FAM227B: variants seen among roughly 807,000 people sequenced by gnomAD.
The protein encoded by FAM227B is family with sequence similarity 227 member B, also known as protein FAM227B.
A neutral mutation model predicts 73.8 loss-of-function variants in FAM227B; 88 were observed. That is an observed-to-expected ratio of 1.19 (90% confidence interval 1.00 to 1.42). The LOEUF is 1.42. FAM227B is among the 40% of genes most tolerant of loss of function. The pLI is 0.00. For synonymous variants in FAM227B, 210 were observed against 190.5 expected (o/e 1.10, Z -0.84); for missense variants, 632 against 590.9 (o/e 1.07, Z -0.72).
intron 11 of FAM227B, among the ~76,000 whole-genome samples, chr15:49,507,569 T>C (rs1486035323): frequency 1.3e-5 from 2 of 152,108 alleles, no homozygotes; most frequent in Admixed American, 6.5e-5. Flanking sequence ...AGAAATAAAC[T>C]CGCCTTACAA....
intron 14 of FAM227B, chr15:49,334,180 A>G (rs1567089588): frequency 1.2e-6 from 1 of 834,548 alleles, no homozygotes; most frequent in Non-Finnish European, 1.4e-6. Context: ...TCAATTAAAG[A>G]TGATCTTAAG....
intron 5 of FAM227B, among the ~76,000 whole-genome samples, chr15:49,582,897 A>C (rs895427570): frequency 6.6e-6 from 1 of 152,188 alleles, no homozygotes; most frequent in East Asian, 1.9e-4. Context: ...AAAAGGAATT[A>C]AGGCAGAAAT....
chr15:49,561,967 A>G (rs1272677704), intron 9 of FAM227B, among the ~76,000 whole-genome samples: 2 of 152,046 alleles, frequency 1.3e-5, no homozygotes, highest in East Asian at 3.9e-4. Flanking sequence ...TATAACCCCA[A>G]AGCTAGTAGA....
chr15:49,544,106 G>T (rs1473255910), intron 9 of FAM227B, among the ~76,000 whole-genome samples: 1 of 152,074 alleles, frequency 6.6e-6, no homozygotes, highest in Non-Finnish European at 1.5e-5. Context: ...TCACAATATT[G>T]ATTCTACCTA....
intron 9 of FAM227B, among the ~76,000 whole-genome samples, chr15:49,558,553 C>T (rs1219907529): frequency 6.6e-6 from 1 of 152,182 alleles, no homozygotes; most frequent in Non-Finnish European, 1.5e-5. Flanking sequence ...GAAAACCCAA[C>T]TCCCACAGGT....
intron 3 of FAM227B, among the ~76,000 whole-genome samples, chr15:49,601,177 A>C (rs2077184356): frequency 6.8e-6 from 1 of 147,736 alleles, no homozygotes; most frequent in Non-Finnish European, 1.5e-5. Flanking sequence ...TGTTGCTCCA[A>C]CCTAATAGTA....
intron 15 of FAM227B, 42 bp downstream of exon 15, chr15:49,331,738 C>G (rs2038794687): frequency 1.7e-6 from 2 of 1,209,194 alleles, no homozygotes. Flanking sequence ...ATAAAAGAAG[C>G]TAGAGAGAGA....
intron 10 of FAM227B, among the ~76,000 whole-genome samples, chr15:49,533,276 T>A (rs2060752998): frequency 6.6e-6 from 1 of 152,008 alleles, no homozygotes; most frequent in Admixed American, 6.6e-5. Flanking sequence ...TGGTTAAGAC[T>A]TGTTTTGTGG....
intron 1 of FAM227B, among the ~76,000 whole-genome samples, chr15:49,616,792 T>C (rs1164507028): frequency 6.6e-6 from 1 of 152,212 alleles, no homozygotes; most frequent in African/African-American, 2.4e-5. Context: ...TCAAGAAAAA[T>C]TGAAATGTCA....
chr15:49,424,152 G>A (rs2049923015), intron 11 of FAM227B: 5 of 666,294 alleles, frequency 7.5e-6, no homozygotes, highest in South Asian at 2.2e-5. Context: ...AAAAGGATAA[G>A]GCTAACAATT....
At chr15:49,527,674 T>C (rs1016429182) in intron 10 of FAM227B, among the ~76,000 whole-genome samples, 5 of 151,880 alleles carry the variant, frequency 3.3e-5, no homozygotes, top group African/African-American at 1.2e-4. Context: ...AATAAAACAG[T>C]GTACAGAAAT....
intron 3 of FAM227B, among the ~76,000 whole-genome samples, chr15:49,603,135 C>T (rs767824837): frequency 3.3e-5 from 5 of 151,936 alleles, no homozygotes; most frequent in Admixed American, 6.6e-5. Context: ...GGGTCTTTTG[C>T]GGTTTCATAT....
intron 11 of FAM227B, among the ~76,000 whole-genome samples, chr15:49,474,396 C>T (rs765258109): frequency 2.6e-5 from 4 of 152,042 alleles, no homozygotes; most frequent in Admixed American, 6.5e-5. Context: ...GATATATTCA[C>T]GTATAATTGG....
chr15:49,593,070 G>C (rs2152416398), intron 3 of FAM227B, among the ~76,000 whole-genome samples: 1 of 152,312 alleles, frequency 6.6e-6, no homozygotes, highest in Non-Finnish European at 1.5e-5. Context: ...GAAGTGTACT[G>C]ATTTTCCAGG....
At chr15:49,611,514 A>G (rs1318682200) in intron 2 of FAM227B, among the ~76,000 whole-genome samples, 3 of 152,104 alleles carry the variant, frequency 2.0e-5, no homozygotes, top group Admixed American at 1.3e-4. Context: ...CCTAGAGAAA[A>G]ACTCCACATG....
intron 10 of FAM227B, among the ~76,000 whole-genome samples, chr15:49,509,951 A>C (rs2152118231): frequency 6.6e-6 from 1 of 152,290 alleles, no homozygotes; most frequent in Admixed American, 6.5e-5. Flanking sequence ...TTAAAGAGTG[A>C]AATTATATGT....
chr15:49,367,241 T>C (rs899848101), intron 13 of FAM227B, among the ~76,000 whole-genome samples: 2 of 152,182 alleles, frequency 1.3e-5, no homozygotes, highest in Non-Finnish European at 1.5e-5. Context: ...TGTTTTATTT[T>C]TCTTACATGC....
chr15:49,402,755 C>T (rs568886048), intron 11 of FAM227B, among the ~76,000 whole-genome samples: 46 of 152,248 alleles, frequency 3.0e-4, no homozygotes, highest in African/African-American at 1.1e-3. Flanking sequence ...TTCCTCTCTT[C>T]CTATTCGAAT....
At chr15:49,497,400 T>C (rs2057717234) in intron 11 of FAM227B, among the ~76,000 whole-genome samples, 1 of 152,112 alleles carries the variant, frequency 6.6e-6, no homozygotes. Flanking sequence ...ATATGGAAGC[T>C]CTCAGATACC....
Sources: gnomAD v4.1 joint callset for allele counts (sites outside exome capture counted in the v4.1 genomes callset) on GRCh38, gnomAD v4.1.1 for gene constraint, MANE v1.5 for transcripts, NCBI Gene and HGNC (gene_info 2026-07-23, HGNC 2026-07-21) for gene names.